The following PIAS1 variants were observed in gnomAD, a reference collection of about 807,000 sequenced individuals.
PIAS1 encodes protein inhibitor of activated STAT 1.
In PIAS1, 6 loss-of-function variants were observed where a neutral mutation model predicts 71.3. The ratio of observed to expected loss-of-function variants is 0.08; its 90% CI spans 0.05 to 0.17. The LOEUF is 0.17. Ranked by LOEUF, PIAS1 falls within the 10% of genes least tolerant of loss-of-function variation. The pLI, the probability that PIAS1 is intolerant of heterozygous loss-of-function variation, is 1.00. For synonymous variants in PIAS1, 303 were observed against 292.9 expected (o/e 1.03, Z -0.35); for missense variants, 555 against 793.6 (o/e 0.70, Z 3.61).
At chr15:68,111,102 T>C (rs1188981675) in intron 2 of PIAS1, among the ~76,000 whole-genome samples, 2 of 152,174 alleles carry the variant, frequency 1.3e-5, no homozygotes, top group Non-Finnish European at 2.9e-5. Flanking sequence ...AAATCTTGAA[T>C]TAAACTGCTT....
In PIAS1 at chr15:68,187,862, C is replaced by T. The variant is rs1397704164; in HGVS notation, c.*27C>T. On this transcript the variant is annotated 3_prime_UTR_variant, in exon 14 of 14. Transcript: ENST00000249636. The surrounding 1 kb of genome is among the most constrained non-coding windows in gnomAD (Gnocchi z 5.3). ...TCCCAGGCCCTGCTGCTCCCATCCC[C>T]ACCCCAGATCGAATGAACTTGGCAG... 3.1e-6 allele frequency: 5 copies of T among 1,595,088 alleles called. No individual in the cohort carries two copies. The highest frequency in any genetic ancestry group is 1.3e-5 in the African/African-American group (1 of 74,484).
chr15:68,160,177 A>G (rs35595740), intron 7 of PIAS1, among the ~76,000 whole-genome samples: 57,931 of 151,936 alleles, frequency 0.38, 13,388 homozygotes, highest in East Asian at 0.8. Context: ...ATATTATGAA[A>G]TCTTTGCCTA....
intron 1 of PIAS1, among the ~76,000 whole-genome samples, chr15:68,078,981 A>G (rs1358787727): frequency 6.6e-6 from 1 of 152,072 alleles, no homozygotes. Context: ...ATTTCATTTA[A>G]TACAGTTACA....
At chr15:68,062,710 TTATTG>T (rs1261437911) in intron 1 of PIAS1, among the ~76,000 whole-genome samples, 2 of 152,256 alleles carry the variant, frequency 1.3e-5, no homozygotes, top group African/African-American at 4.8e-5. Context: ...TATTTTTAAT[TTATTG>T]TGTGTGTGTA....
At chr15:68,126,690 G>T (rs1362424077) in intron 2 of PIAS1, among the ~76,000 whole-genome samples, 1 of 152,186 alleles carries the variant, frequency 6.6e-6, no homozygotes, top group Non-Finnish European at 1.5e-5. Flanking sequence ...ATCCCAAAAT[G>T]CTGTAATTAC....
chr15:68,127,282 CT>C (rs1054035159), intron 2 of PIAS1, among the ~76,000 whole-genome samples: 1 of 151,366 alleles, frequency 6.6e-6, no homozygotes, highest in Non-Finnish European at 1.5e-5. Flanking sequence ...TTTTGAATTT[CT>C]TTTTTTTTGA....
At chr15:68,056,818 A>C (rs2091901524) in intron 1 of PIAS1, among the ~76,000 whole-genome samples, 1 of 151,824 alleles carries the variant, frequency 6.6e-6, no homozygotes, top group African/African-American at 2.4e-5. Context: ...TTTGGCAGAT[A>C]CTCCTTTTGG....
chr15:68,145,809 T>G lies in PIAS1; in HGVS notation c.603-7T>G. On this transcript the variant is annotated splice_region_variant and splice_polypyrimidine_tract_variant and intron_variant, in intron 4 of 13. Coordinates refer to ENST00000249636, the MANE Select transcript of PIAS1 (RefSeq NM_016166.3). ...AAAGGAAATTAAACTTGTCCTTTAT[T>G]GTTTAGGTTTTGTTTATCAGAAACC... 1 of 1,544,232 alleles carries G rather than the reference T, an allele frequency of 6.5e-7. No homozygotes were observed. The highest frequency in any genetic ancestry group is 9.0e-7 in the Non-Finnish European group (1 of 1,117,194).
rs1388914857 is a variant in PIAS1, at chr15:68,167,201, G to GTA, written c.1008+2398_1008+2399insAT. On this transcript the variant is annotated intron_variant, in intron 8 of 13. Transcript: ENST00000249636. This position sits in a 1 kb window ranked among gnomAD's most constrained non-coding sequence, Gnocchi z 4.4. ...AACTATATATGTATATTGTGTGTGTGTGTGTGTGTGTGTATGTGTAAAATG... is the reference window on the plus strand; with the variant it reads ...AACTATATATGTATATTGTGTGTGTGTATGTGTGTGTGTGTATGTGTAAAATG... Among the ~76,000 whole-genome samples, 2 of 151,866 alleles carry GTA rather than the reference G, an allele frequency of 1.3e-5. No individual in the cohort carries two copies. The highest frequency in any genetic ancestry group is 2.9e-5 in the Non-Finnish European group (2 of 67,966).
intron 2 of PIAS1, among the ~76,000 whole-genome samples, chr15:68,119,893 G>T (rs546457041): frequency 2.0e-4 from 30 of 152,322 alleles, no homozygotes; most frequent in Admixed American, 1.6e-3. Flanking sequence ...ACTATACAGT[G>T]ACTCTCTCTA....
chr15:68,101,463 C>A (rs1008416982), intron 2 of PIAS1, among the ~76,000 whole-genome samples: 1 of 149,364 alleles, frequency 6.7e-6, no homozygotes, highest in African/African-American at 2.5e-5. Context: ...TGTTTGTTTC[C>A]TTGTTTGTTT....
At chr15:68,144,750 T>A (rs1329460298) in intron 4 of PIAS1, among the ~76,000 whole-genome samples, 1 of 152,182 alleles carries the variant, frequency 6.6e-6, no homozygotes, top group African/African-American at 2.4e-5. Context: ...TTAACTTTTT[T>A]ATGGATCCCT....
In PIAS1 at chr15:68,112,900, C is replaced by A. The variant is rs78071185; in HGVS notation, c.469+26150C>A. Reference sequence around the variant, plus strand: ...CATGATGCATCCACCCACATACAACCAGGGAGGGAAGGATTCATCAAGGCA... The same window carrying A: ...CATGATGCATCCACCCACATACAACAAGGGAGGGAAGGATTCATCAAGGCA... On this transcript the variant is annotated intron_variant, in intron 2 of 13. Coordinates refer to ENST00000249636, the MANE Select transcript of PIAS1 (RefSeq NM_016166.3). 5.2e-3 allele frequency among the ~76,000 whole-genome samples: 786 copies of A among 152,128 alleles called. 2 individuals carry two copies. Among genetic ancestry groups the A allele is most frequent in the African/African-American group, 0.017 (698 of 41,490 alleles).
chr15:68,070,413 G>A (rs969489385), intron 1 of PIAS1, among the ~76,000 whole-genome samples: 1 of 152,226 alleles, frequency 6.6e-6, no homozygotes, highest in African/African-American at 2.4e-5. Context: ...GGTGGTGCAG[G>A]TTCTGCTGGA....
intron 1 of PIAS1, among the ~76,000 whole-genome samples, chr15:68,062,323 ATTC>A (rs1339655896): frequency 3.3e-5 from 5 of 152,162 alleles, no homozygotes; most frequent in African/African-American, 9.7e-5. Flanking sequence ...ATATCTGTGT[ATTC>A]TTATTTGGGT....
At chr15:68,127,173 C>T (rs919335562) in intron 2 of PIAS1, among the ~76,000 whole-genome samples, 1 of 152,056 alleles carries the variant, frequency 6.6e-6, no homozygotes, top group African/African-American at 2.4e-5. Context: ...ATCTGCCCGC[C>T]TTGACCTCCG....
intron 1 of PIAS1, among the ~76,000 whole-genome samples, chr15:68,068,619 A>G (rs774710539): frequency 6.6e-6 from 1 of 151,490 alleles, no homozygotes; most frequent in Non-Finnish European, 1.5e-5. Context: ...TGCTTGGCCA[A>G]TTTTTGTATT....
chr15:68,176,113 A>G (rs1236505371), intron 10 of PIAS1, among the ~76,000 whole-genome samples: 1 of 152,064 alleles, frequency 6.6e-6, no homozygotes, highest in Admixed American at 6.6e-5. Flanking sequence ...GGCTTTTAGT[A>G]TGTTTTTGCT....
intron 7 of PIAS1, among the ~76,000 whole-genome samples, chr15:68,159,252 A>C (rs567340414): frequency 6.6e-6 from 1 of 152,284 alleles, no homozygotes; most frequent in Admixed American, 6.5e-5. Flanking sequence ...CTTGCTCACA[A>C]GTAATAAGTG....
Sources: gnomAD v4.1 joint callset for allele counts (sites outside exome capture counted in the v4.1 genomes callset) on GRCh38, gnomAD v4.1.1 for gene constraint, Gnocchi (gnomAD v3.1) non-coding constraint, MANE v1.5 for transcripts, NCBI Gene and HGNC (gene_info 2026-07-23, HGNC 2026-07-21) for gene names.